TSR1: variants seen among roughly 807,000 people sequenced by gnomAD.
TSR1 encodes the protein pre-rRNA-processing protein TSR1 homolog.
Under a neutral mutation model 90.9 loss-of-function variants are expected in TSR1, and 81 were observed. The ratio of observed to expected loss-of-function variants is 0.89; its 90% CI spans 0.74 to 1.07. The LOEUF is 1.07. Ranked by LOEUF, TSR1 falls within the 50% of genes least tolerant of loss-of-function variation. The probability of loss-of-function intolerance (pLI) is 0.00; values close to 1 mark genes in which losing one functional copy is unlikely to be tolerated. For synonymous variants in TSR1, 362 were observed against 348.8 expected (o/e 1.04, Z -0.42); for missense variants, 989 against 987.3 (o/e 1.00, Z -0.02).
Position 2,335,335 on chromosome 17 carries a change from C to T in TSR1, c.481G>A (p.Asp161Asn). ...KVADTILFLL[D>N]PLEGWDSTGD... Reference sequence around the variant, plus strand: ...GTGCTGTCCCAGCCTTCTAGTGGATCAAGGAGGAACAGGATGGTATCAGCT... The same window carrying T: ...GTGCTGTCCCAGCCTTCTAGTGGATTAAGGAGGAACAGGATGGTATCAGCT... The change falls in exon 4 of 15, where the codon GAT becomes AAT. Residue 161 changes from aspartate to asparagine, a missense_variant. Coordinates refer to ENST00000301364, the MANE Select transcript of TSR1 (RefSeq NM_018128.5). 1.2e-6 allele frequency: 2 copies of T among 1,613,466 alleles called. No homozygotes were observed. The highest frequency in any genetic ancestry group is 1.1e-5 in the South Asian group (1 of 91,068).
chr17:2,335,804 C>T, intron 2 of TSR1, 74 bp from the exon 3 acceptor site: 1 of 1,496,618 alleles, frequency 6.7e-7, no homozygotes, highest in Non-Finnish European at 9.1e-7. Flanking sequence ...TCCACTCCCA[C>T]AGATGCTCCC....
chr17:2,324,440 C>A, intron 14 of TSR1, 64 bp downstream of exon 14: 1 of 1,611,740 alleles, frequency 6.2e-7, no homozygotes, highest in Admixed American at 1.7e-5. Flanking sequence ...TGACTTCCAA[C>A]CCAACAGTCA....
rs1425530687 is a variant in TSR1 at position 2,323,081 on chromosome 17, CA to C, written c.*1114del. On this transcript the variant is annotated 3_prime_UTR_variant, in exon 15 of 15. Transcript: ENST00000301364. ...CACCAGGCCCATATTTTCTTTTAGA[CA>C]TGCAGGCAATGTTGTGGTTTGTTGT... 3 of 1,563,654 alleles carry C rather than the reference CA, an allele frequency of 1.9e-6. No individual in the cohort carries two copies. The African/African-American group carries it at 4.1e-5, about 21-fold the overall frequency.
Position 2,332,190 on chromosome 17 carries a change from C to T in TSR1, c.1475G>A (p.Arg492His), listed in dbSNP as rs201538861. The change falls in exon 8 of 15, where the codon CGT (arginine) becomes CAT (histidine). Residue 492 changes from arginine to histidine, a missense_variant. Transcript: ENST00000301364. ...EMFPDEVDTP[R>H]DVAARIRFQK... ...TAACCGAATTCGAGCAGCCACATCA[C>T]GGGGCGTGTCCACTTCATCTGGAAA... The T allele has an allele frequency of 3.5e-5, 57 of 1,613,018 alleles. No individual in the cohort carries two copies. Among genetic ancestry groups the T allele is most frequent in the Admixed American group, 1.5e-4 (9 of 59,610 alleles).
In TSR1 at chr17:2,332,335, C is replaced by T; in HGVS notation, c.1330G>A (p.Glu444Lys). 1 of 1,604,878 alleles carries T rather than the reference C, an allele frequency of 6.2e-7. No homozygotes were observed. The highest frequency in any genetic ancestry group is 8.5e-7 in the Non-Finnish European group (1 of 1,177,636). ...TCCCCAATAGTCATAGTTTCATATT[C>T]TTCCTCTTCTTCACTACTCTCATCC... is the stretch of plus-strand genomic sequence containing the variant. ...SQDESSEEEE[E>K]YETMTIGESV... The change falls in exon 8 of 15, where the codon GAA becomes AAA. Residue 444 changes from glutamate (E) to lysine (K), a missense_variant. Physicochemically the swap from Glu to Lys is moderately conservative, Grantham distance 56. Transcript: ENST00000301364.
At position 2,329,450 on chromosome 17, in the gene TSR1, C is replaced by T. The variant is rs746065751; in HGVS notation, c.1796G>A (p.Arg599Lys). The change falls in exon 11 of 15, where the codon AGG becomes AAG. Residue 599 changes from arginine (R) to lysine (K), a missense_variant. Coordinates refer to ENST00000301364, the MANE Select transcript of TSR1 (RefSeq NM_018128.5). ...QKMSVLNMVV[R>K]RDPGNTEPVK... Reference sequence around the variant, plus strand: ...AGGTTCAGTGTTGCCAGGGTCACGCCTCACCACCATATTCAATACTGACAT... The same window carrying T: ...AGGTTCAGTGTTGCCAGGGTCACGCTTCACCACCATATTCAATACTGACAT... 2.4e-5 allele frequency: 38 copies of T among 1,614,036 alleles called. No homozygotes were observed. Among genetic ancestry groups the T allele is most frequent in the Non-Finnish European group, 3.1e-5 (36 of 1,180,048 alleles).
rs2064067064 is a variant in TSR1, at chr17:2,335,931, T to A, written c.201+106A>T. 5.3e-6 allele frequency: 7 copies of A among 1,328,238 alleles called. No homozygotes were observed. The South Asian group carries it at 8.8e-5, about 17-fold the overall frequency. 82.3% of individuals were successfully genotyped at this position (1,328,238 alleles called of 1,614,324 possible). A position where few individuals can be genotyped will look rare whatever the true frequency, so the allele number is the denominator to read the frequency against. On this transcript the variant is annotated intron_variant, in intron 2 of 14. Transcript: ENST00000301364. ...GCACGCTCGACACGTGCTCTAGGGC[T>A]ATGCTCTGTCCCTGGACCCTCCTCC...
chr17:2,336,281 G>C lies in TSR1; in HGVS notation c.97+50C>G, dbSNP rs1034493847. 3 of 1,611,720 alleles carry C rather than the reference G, an allele frequency of 1.9e-6. No individual in the cohort carries two copies. The East Asian group carries it at 6.7e-5, about 36-fold the overall frequency. Reference sequence around the variant, plus strand: ...AGCTCAGTCTGGGCATGAGGAAAAAGAGTTAATAACGGCCAAATAGCCCTT... The same window carrying C: ...AGCTCAGTCTGGGCATGAGGAAAAACAGTTAATAACGGCCAAATAGCCCTT... On this transcript the variant is annotated intron_variant, in intron 1 of 14. Transcript: ENST00000301364.
chr17:2,328,523 A>G (rs973967089), intron 11 of TSR1, among the ~76,000 whole-genome samples: 62 of 151,606 alleles, frequency 4.1e-4, no homozygotes, highest in African/African-American at 1.5e-3. Context: ...CGGGAGGCGG[A>G]GGTTGCAGTG....
intron 8 of TSR1, among the ~76,000 whole-genome samples, 179 bp downstream of exon 8, chr17:2,331,990 C>T (rs1276851289): frequency 6.6e-6 from 1 of 152,196 alleles, no homozygotes; most frequent in African/African-American, 2.4e-5. Context: ...CAGTCTAGAA[C>T]TTAATTACAT....
intron 6 of TSR1, 33 bp downstream of exon 6, chr17:2,333,524 A>G: frequency 6.2e-7 from 1 of 1,613,546 alleles, no homozygotes; most frequent in South Asian, 1.1e-5. Flanking sequence ...ATTCCAGGTC[A>G]GATGAATTAC....
chr17:2,330,389 T>G, intron 10 of TSR1, 126 bp downstream of exon 10: 7 of 820,108 alleles, frequency 8.5e-6, no homozygotes, highest in Non-Finnish European at 1.3e-5. Context: ...CAATTCCTAA[T>G]CATAAAGGCA....
In TSR1 at chr17:2,323,032, TG is replaced by T. The variant is rs1467814306; in HGVS notation, c.*1163del. 3.3e-6 allele frequency: 4 copies of T among 1,222,344 alleles called. No homozygotes were observed. Among genetic ancestry groups the T allele is most frequent in the Non-Finnish European group, 4.7e-6 (4 of 851,600 alleles). The allele number at this position is 1,222,344 out of a possible 1,614,324, so 75.7% of individuals were successfully genotyped here. A position where few individuals can be genotyped will look rare whatever the true frequency, so the allele number is the denominator to read the frequency against. Reference sequence around the variant, plus strand: ...CACCCGCCTCGGGCTCCCAAAGTGTTGGGATTACAGGTGTGAGCCACCACAC... The same window carrying T: ...CACCCGCCTCGGGCTCCCAAAGTGTTGGATTACAGGTGTGAGCCACCACAC... On this transcript the variant is annotated 3_prime_UTR_variant, in exon 15 of 15. Transcript: ENST00000301364.
In TSR1 at chr17:2,332,333, T is replaced by C. The variant is rs536024756; in HGVS notation, c.1332A>G (p.Glu444=). ...SQDESSEEEE[E]YETMTIGESV... ...ACTCCCCAATAGTCATAGTTTCATA[T>C]TCTTCCTCTTCTTCACTACTCTCAT... The change falls in exon 8 of 15, where the codon GAA becomes GAG. Residue 444 remains glutamate (E), a synonymous_variant. Transcript: ENST00000301364. The C allele has an allele frequency of 1.8e-5, 29 of 1,605,058 alleles. No individual in the cohort carries two copies. The highest frequency in any genetic ancestry group is 2.5e-5 in the Non-Finnish European group (29 of 1,177,736).
At chr17:2,327,092 T>C (rs4477758) in intron 11 of TSR1, among the ~76,000 whole-genome samples, 62,872 of 149,190 alleles carry the variant, frequency 0.42, 13,547 homozygotes, top group East Asian at 0.67. Flanking sequence ...GCAACAAGAG[T>C]GAAACTCCAT....
In TSR1 at chr17:2,336,147, G is replaced by A. The variant is rs767232981; in HGVS notation, c.98-7C>T. ...GTTTTCAGTGCCAGACGGCCTGAAT[G>A]GCAGATTAGAAGGGGCTGGTGTGAT... On this transcript the variant is annotated splice_polypyrimidine_tract_variant and splice_region_variant and intron_variant, in intron 1 of 14. Transcript: ENST00000301364. The A allele has an allele frequency of 4.3e-6, 7 of 1,613,812 alleles. No individual in the cohort carries two copies. In the South Asian group the frequency reaches 5.5e-5, roughly 13 times the overall value.
rs373590456 is a variant in TSR1, at chr17:2,334,848, T to C, written c.605A>G (p.Asp202Gly). The C allele has an allele frequency of 1.5e-5, 25 of 1,613,832 alleles. No homozygotes were observed. The highest frequency in any genetic ancestry group is 1.5e-4 in the South Asian group (14 of 91,094). Residue 202 changes from aspartate (D) to glycine (G), a missense_variant, in exon 5 of 15, where the codon GAT (aspartate) becomes GGT (glycine). Transcript: ENST00000301364. ...TGCTTTACTTAGCTTCTTCCTGGTA[T>C]CTATTTGTTTCTTCAGTGGGAGGCC... ...ISGLPLKKQI[D>G]TRKKLSKAVE...
intron 10 of TSR1, 24 bp downstream of exon 10, chr17:2,330,490 AT>A: frequency 6.2e-7 from 1 of 1,604,050 alleles, no homozygotes; most frequent in Non-Finnish European, 8.5e-7. Context: ...ACAACCCCCC[AT>A]TTTCCCACAA....
chr17:2,326,875 C>T (rs1174991574), intron 11 of TSR1, among the ~76,000 whole-genome samples: 2 of 152,098 alleles, frequency 1.3e-5, no homozygotes, highest in East Asian at 1.9e-4. Context: ...GAGGCCAATG[C>T]GGGTGGATCA....
Sources: gnomAD v4.1 joint callset for allele counts (sites outside exome capture counted in the v4.1 genomes callset) on GRCh38, gnomAD v4.1.1 for gene constraint, MANE v1.5 for transcripts, NCBI Gene and HGNC (gene_info 2026-07-23, HGNC 2026-07-21) for gene names.